CPXM2: variants seen among roughly 807,000 people sequenced by gnomAD.
CPXM2 encodes the protein inactive carboxypeptidase-like protein X2.
CPXM2 carries 66 observed loss-of-function variants against 86.1 expected under a neutral mutation model. The ratio of observed to expected loss-of-function variants is 0.77; its 90% CI spans 0.63 to 0.94. CPXM2 has a LOEUF of 0.94. CPXM2 is among the 40% of genes least tolerant of loss of function. The pLI, the probability that CPXM2 is intolerant of heterozygous loss-of-function variation, is 0.00. For synonymous variants in CPXM2, 388 were observed against 400.2 expected, an observed-to-expected ratio of 0.97 and a Z score of 0.36; for missense variants, 948 against 1,026.3, an observed-to-expected ratio of 0.92 and a Z score of 1.04.
At chr10:123,927,010 A>G (rs146453820) in intron 2 of CPXM2, among the ~76,000 whole-genome samples, 39 of 152,352 alleles carry the variant, frequency 2.6e-4, no homozygotes, top group Admixed American at 2.5e-3. Context: ...GTCCTGGGAC[A>G]TAGGAACCCA....
intron 2 of CPXM2, among the ~76,000 whole-genome samples, chr10:123,864,792 T>C (rs1848941699): frequency 6.6e-6 from 1 of 152,218 alleles, no homozygotes; most frequent in Non-Finnish European, 1.5e-5. Context: ...ACGACTCCTA[T>C]GCACGTGAGT....
In CPXM2 at chr10:123,754,850, T is replaced by A; in HGVS notation, c.1918-88A>T. 2.6e-6 allele frequency: 2 copies of A among 763,362 alleles called. No homozygotes were observed. Among genetic ancestry groups the A allele is most frequent in the African/African-American group, 1.7e-5 (1 of 58,312 alleles). The allele number at this position is 763,362 out of a possible 1,614,324, so 47.3% of individuals were successfully genotyped here. ...ACAGAGTGGGCTGTCAACCCACCATTGGCCGGTTCCCACCAAGAACTCACA... is the reference window on the plus strand; with the variant it reads ...ACAGAGTGGGCTGTCAACCCACCATAGGCCGGTTCCCACCAAGAACTCACA... On this transcript the variant is annotated intron_variant, in intron 12 of 13. Coordinates refer to ENST00000241305, the MANE Select transcript of CPXM2 (RefSeq NM_198148.3). This position sits in a 1 kb window ranked among gnomAD's most constrained non-coding sequence, Gnocchi z 4.0.
chr10:123,881,620 TCTGGCTA>T (rs1436501590), intron 1 of CPXM2, among the ~76,000 whole-genome samples: 12 of 152,354 alleles, frequency 7.9e-5, no homozygotes, highest in African/African-American at 2.9e-4. Context: ...GCAGTTGGCT[TCTGGCTA>T]CAGCCTGAGA....
At chr10:123,895,871 C>T (rs1391904420), upstream of CPXM2, among the ~76,000 whole-genome samples, 1 of 152,212 alleles carries the variant, frequency 6.6e-6, no homozygotes, top group Non-Finnish European at 1.5e-5. Flanking sequence ...CCATTGTTTG[C>T]CTCAATTGAG....
At chr10:123,762,991 G>A (rs1349979462) in intron 10 of CPXM2, among the ~76,000 whole-genome samples, 1 of 152,190 alleles carries the variant, frequency 6.6e-6, no homozygotes, top group East Asian at 1.9e-4. Flanking sequence ...CAATGAGAGA[G>A]CTTAATTCAT....
intron 6 of CPXM2, among the ~76,000 whole-genome samples, chr10:123,785,935 C>A (rs1914526): frequency 0.05 from 7,629 of 152,260 alleles, 195 homozygotes; most frequent in South Asian, 0.065. Context: ...GCCCAGCCCA[C>A]TTTAGCTTCT....
intron 8 of CPXM2, among the ~76,000 whole-genome samples, chr10:123,769,179 T>G (rs1846566824): frequency 6.6e-6 from 1 of 152,190 alleles, no homozygotes; most frequent in Admixed American, 6.5e-5. Flanking sequence ...AAGTGGGCTT[T>G]CTTTAGGTAT....
At chr10:123,795,473 G>A (rs899034600) in intron 6 of CPXM2, among the ~76,000 whole-genome samples, 1 of 152,124 alleles carries the variant, frequency 6.6e-6, no homozygotes, top group Admixed American at 6.6e-5. Flanking sequence ...GTGAGAAAGA[G>A]GCCTGGAAAG....
intron 10 of CPXM2, among the ~76,000 whole-genome samples, chr10:123,764,086 T>A (rs1036224642): frequency 6.6e-6 from 1 of 152,206 alleles, no homozygotes; most frequent in Admixed American, 6.5e-5. Context: ...ATTAACTCTG[T>A]TTCCTCCTCT....
At chr10:123,832,852 G>C (rs1384753428) in intron 4 of CPXM2, among the ~76,000 whole-genome samples, 4 of 137,478 alleles carry the variant, frequency 2.9e-5, no homozygotes, top group Non-Finnish European at 6.1e-5. Context: ...TGGGTCTTTG[G>C]GGGTAGAGCA....
In CPXM2 at chr10:123,863,392, G is replaced by A. The variant is rs987591737; in HGVS notation, c.404-669C>T. ...GTGTGAAAGGCCATGCAGCGAGAGG[G>A]GGCCACATGATGAACCGGGGGTCCC... On this transcript the variant is annotated intron_variant, in intron 2 of 13. Coordinates refer to ENST00000241305, the MANE Select transcript of CPXM2 (RefSeq NM_198148.3). Among the ~76,000 whole-genome samples, 6 of 152,308 alleles carry A rather than the reference G, an allele frequency of 3.9e-5. No homozygotes were observed. In the East Asian group the frequency reaches 1.2e-3, roughly 29 times the overall value.
chr10:123,834,747 G>C (rs1848244830), intron 4 of CPXM2, among the ~76,000 whole-genome samples: 1 of 152,204 alleles, frequency 6.6e-6, no homozygotes, highest in African/African-American at 2.4e-5. Flanking sequence ...GCAGCTTAAT[G>C]GGAGGTGTCT....
chr10:123,837,307 A>C (rs1277944367), intron 4 of CPXM2, among the ~76,000 whole-genome samples: 1 of 152,152 alleles, frequency 6.6e-6, no homozygotes, highest in African/African-American at 2.4e-5. Context: ...CCTTCTTATA[A>C]AGTCAGCCAA....
chr10:123,875,148 A>G (rs539628636), intron 2 of CPXM2, among the ~76,000 whole-genome samples: 1 of 152,340 alleles, frequency 6.6e-6, no homozygotes, highest in East Asian at 1.9e-4. Context: ...CAAATCCATT[A>G]TTGGAAAAAC....
At chr10:123,771,080 C>T (rs747597298) in intron 7 of CPXM2, 41 bp from the exon 8 acceptor site, 19 of 1,595,758 alleles carry the variant, frequency 1.2e-5, no homozygotes, top group African/African-American at 2.7e-5. Flanking sequence ...GCATTGATGA[C>T]GATGCACTAA....
rs140621240 is a variant in CPXM2, at chr10:123,898,783, C to T, written n.175-18474G>A. On this transcript the variant is annotated intron_variant and non_coding_transcript_variant, in intron 2 of 19. Transcript: ENST00000368854. ...TTTTAAGATGGAGTTTCGCTCTTGTCGCCCAGGCTGGAGTGCAATGGCACG... is the reference window on the plus strand; with the variant it reads ...TTTTAAGATGGAGTTTCGCTCTTGTTGCCCAGGCTGGAGTGCAATGGCACG... Among the ~76,000 whole-genome samples the T allele has an allele frequency of 3.9e-3, 589 of 152,308 alleles. 1 individual carries two copies. Among genetic ancestry groups the T allele is most frequent in the African/African-American group, 0.013 (526 of 41,566 alleles).
intron 3 of CPXM2, among the ~76,000 whole-genome samples, chr10:123,857,653 T>TGGAGACGGAAGGCGGCGTGGAGAC (rs1564800709): frequency 3.0e-5 from 3 of 101,238 alleles, no homozygotes; most frequent in East Asian, 4.3e-4. Context: ...GGCGTGGAGA[T>TGGAGACGGAAGGCGGCGTGGAGAC]GGAAGGCGGC....
At chr10:123,818,159 AGGAGGATTTTAATAATCAAGT>A (rs1302208173) in intron 4 of CPXM2, among the ~76,000 whole-genome samples, 4 of 152,214 alleles carry the variant, frequency 2.6e-5, no homozygotes, top group Admixed American at 6.5e-5. Context: ...ACCTCAGCAG[AGGAGGATTTTAATAATCAAGT>A]GGATAGGATG....
intron 4 of CPXM2, among the ~76,000 whole-genome samples, chr10:123,839,378 A>C (rs940207204): frequency 6.6e-6 from 1 of 152,232 alleles, no homozygotes; most frequent in Non-Finnish European, 1.5e-5. Flanking sequence ...TTCATGTATC[A>C]TTATAGATCA....
Sources: gnomAD v4.1 joint callset for allele counts (sites outside exome capture counted in the v4.1 genomes callset) on GRCh38, gnomAD v4.1.1 for gene constraint, Gnocchi (gnomAD v3.1) non-coding constraint, MANE v1.5 for transcripts, NCBI Gene and HGNC (gene_info 2026-07-23, HGNC 2026-07-21) for gene names.